The following NKTR variants were observed in gnomAD, a reference collection of about 807,000 sequenced individuals.
NKTR encodes the protein NK-tumor recognition protein.
A neutral mutation model predicts 156.3 loss-of-function variants in NKTR; 67 were observed. The observed-to-expected ratio is 0.43, with a 90% CI of 0.35 to 0.53. The LOEUF (loss-of-function observed/expected upper bound fraction) is 0.53. NKTR is among the 20% of genes least tolerant of loss of function. The pLI, the probability that NKTR is intolerant of heterozygous loss-of-function variation, is 0.01. For missense variants in NKTR, 1,604 were observed against 1,730.9 expected (o/e 0.93, Z 1.30); for synonymous variants, 640 against 596.6 (o/e 1.07, Z -1.06).
In NKTR at chr3:42,638,374, T is replaced by C. The variant is rs374827006; in HGVS notation, c.2670T>C (p.Asn890=). Residue 890 remains asparagine, a synonymous_variant, in exon 13 of 17, where the codon AAT becomes AAC. Transcript: ENST00000232978. ...GTAGTAAATGGGACTCTGAGTCAAA[T>C]TCAGAACGAGATGTCACTAAAAACA... is the stretch of plus-strand genomic sequence containing the variant. ...YAGSKWDSES[N]SERDVTKNSK... is the part of the protein sequence containing the mutation. 1.9e-6 allele frequency: 3 copies of C among 1,613,768 alleles called. No individual in the cohort carries two copies. The highest frequency in any genetic ancestry group is 1.1e-5 in the South Asian group (1 of 90,996).
chr3:42,618,726 G>A (rs1707634371), intron 3 of NKTR, among the ~76,000 whole-genome samples: 1 of 152,196 alleles, frequency 6.6e-6, no homozygotes, highest in Non-Finnish European at 1.5e-5. Flanking sequence ...TTACAGGCGT[G>A]TGCCATTGCG....
chr3:42,626,364 A>G (rs912582083), intron 6 of NKTR, among the ~76,000 whole-genome samples: 1 of 152,094 alleles, frequency 6.6e-6, no homozygotes, highest in African/African-American at 2.4e-5. Context: ...GTAGTAATAG[A>G]TTTATTTGTT....
Position 42,639,420 on chromosome 3 carries a change from A to G in NKTR, c.3716A>G (p.Asn1239Ser). The G allele has an allele frequency of 1.9e-6, 3 of 1,613,282 alleles. No individual in the cohort carries two copies. The highest frequency in any genetic ancestry group is 1.1e-5 in the South Asian group (1 of 91,054). ...GGTGTGGGGAACCTGGCAGCACCTA[A>G]TGCTGCCACATCCAGTGCTGTGGAA... ...LQGVGNLAAP[N>S]AATSSAVEVK... Residue 1239 changes from asparagine (N) to serine (S), a missense_variant, in exon 13 of 17, where the codon AAT (asparagine) becomes AGT (serine). Asn to Ser is a conservative substitution (Grantham distance 46). Around this residue, in one of 6 missense-constraint regions of NKTR, gnomAD observed 1,255 missense variants for 1,243.7 expected, o/e 1.01. Coordinates refer to ENST00000232978, the MANE Select transcript of NKTR (RefSeq NM_005385.4).
chr3:42,616,494 T>G (rs1707381003), intron 2 of NKTR, among the ~76,000 whole-genome samples: 1 of 152,226 alleles, frequency 6.6e-6, no homozygotes, highest in South Asian at 2.1e-4. Flanking sequence ...CCCTGACACC[T>G]AATGGAATGT....
At chr3:42,625,175 T>TA (rs1467226347) in intron 6 of NKTR, among the ~76,000 whole-genome samples, 1 of 152,138 alleles carries the variant, frequency 6.6e-6, no homozygotes, top group Non-Finnish European at 1.5e-5. Flanking sequence ...AAAAATGTCT[T>TA]AAAGAAGTAT....
At chr3:42,643,095 C>T (rs1710034890) in intron 14 of NKTR, among the ~76,000 whole-genome samples, 1 of 152,306 alleles carries the variant, frequency 6.6e-6, no homozygotes, top group South Asian at 2.1e-4. Context: ...CCTAACTCCA[C>T]CCAGTTTAGA....
rs748343325 is a variant in NKTR at position 42,600,999 on chromosome 3, C to T, written c.-8C>T. On this transcript the variant is annotated 5_prime_UTR_variant, in exon 2 of 17. Coordinates refer to ENST00000232978, the MANE Select transcript of NKTR (RefSeq NM_005385.4). The stretch of plus-strand genomic sequence containing the variant: ...TCTCTCCCAGCTCTTGCCGCCACCT[C>T]GGTCGCGATGGGGGCGCAGGACCGG... 8.3e-6 allele frequency: 13 copies of T among 1,562,262 alleles called. No homozygotes were observed. Among genetic ancestry groups the T allele is most frequent in the Non-Finnish European group, 1.0e-5 (12 of 1,156,694 alleles).
In NKTR at chr3:42,618,309, C is replaced by T. The variant is rs188218974; in HGVS notation, c.133+665C>T. 6.6e-4 allele frequency among the ~76,000 whole-genome samples: 99 copies of T among 150,322 alleles called. 1 individual carries two copies. The highest frequency in any genetic ancestry group is 9.9e-4 in the Non-Finnish European group (67 of 67,760). On this transcript the variant is annotated intron_variant, in intron 3 of 16. Coordinates refer to ENST00000232978, the MANE Select transcript of NKTR (RefSeq NM_005385.4). ...GAGCTTGCAATGAGCCAAGATTGCG[C>T]CATTGCACTCCAGCCTGGGGGACAA...
At chr3:42,627,413 G>T in intron 6 of NKTR, 2 of 985,050 alleles carry the variant, frequency 2.0e-6, no homozygotes, top group South Asian at 9.4e-5. Context: ...TTTAACTTCA[G>T]TGGCTTGTTT....
intron 2 of NKTR, among the ~76,000 whole-genome samples, chr3:42,610,223 C>G (rs948913315): frequency 6.6e-6 from 1 of 152,054 alleles, no homozygotes; most frequent in Admixed American, 6.5e-5. Context: ...AGGCTGGTCT[C>G]GAACTCCCGA....
chr3:42,628,601 C>T lies in NKTR; in HGVS notation c.375-1945C>T, dbSNP rs183947008. ...CAGGATCTGTGAGTCATGGGAGGAA[C>T]GGATCAAAGAAGGAGAAGGAATGTA... On this transcript the variant is annotated intron_variant, in intron 6 of 16. Coordinates refer to ENST00000232978, the MANE Select transcript of NKTR (RefSeq NM_005385.4). The T allele has an allele frequency of 2.2e-5, 22 of 985,244 alleles. No homozygotes were observed. The East Asian group carries it at 6.8e-4, about 30-fold the overall frequency. The allele number at this position is 985,244 out of a possible 1,614,324, so 61.0% of individuals were successfully genotyped here. A position where few individuals can be genotyped will look rare whatever the true frequency, so the allele number is the denominator to read the frequency against.
intron 10 of NKTR, 84 bp from the exon 11 acceptor site, chr3:42,634,529 T>A: frequency 1.5e-6 from 1 of 685,768 alleles, no homozygotes; most frequent in Admixed American, 3.3e-5. Context: ...TTTGAATTAA[T>A]AGCTTAACAT....
chr3:42,638,727 C>T lies in NKTR; in HGVS notation c.3023C>T (p.Pro1008Leu), dbSNP rs1709636541. The T allele has an allele frequency of 3.7e-6, 6 of 1,613,786 alleles. No individual in the cohort carries two copies. The highest frequency in any genetic ancestry group is 5.1e-6 in the Non-Finnish European group (6 of 1,180,016). The change falls in exon 13 of 17, where the codon CCA (proline) becomes CTA (leucine). Residue 1008 changes from proline to leucine, a missense_variant. Physicochemically the swap from Pro to Leu is moderately conservative, Grantham distance 98 (BLOSUM62 -3). This residue lies in a region of NKTR where 1,255 missense variants were observed against 1,243.7 expected (regional missense o/e 1.01). Transcript: ENST00000232978. The stretch of plus-strand genomic sequence containing the variant: ...AAAAAAGACAAAAAGCATAAGGCTC[C>T]AAAACGAAAGCAAGCATTTCACTGG... Reference protein sequence around the residue: ...KGKKDKKHKAPKRKQAFHWQP... With the variant: ...KGKKDKKHKALKRKQAFHWQP...
intron 6 of NKTR, chr3:42,627,547 G>A (rs1350673298): frequency 2.0e-6 from 2 of 984,450 alleles, no homozygotes; most frequent in East Asian, 1.1e-4. Flanking sequence ...CTCTGATAAT[G>A]GTATAAAACT....
Position 42,637,255 on chromosome 3 carries a change from C to T in NKTR, c.1551C>T (p.Asp517=), listed in dbSNP as rs376230277. Residue 517 remains aspartate (D), a synonymous_variant, in exon 13 of 17, where the codon GAC becomes GAT. Coordinates refer to ENST00000232978, the MANE Select transcript of NKTR (RefSeq NM_005385.4). ...GCTCTTTAACCCATTCCAGCAGAGA[C>T]TCATACAGATCAAAATCTCACTCAC... ...VQSSLTHSSR[D]SYRSKSHSQS... The T allele has an allele frequency of 6.2e-7, 1 of 1,613,476 alleles. No individual in the cohort carries two copies. The highest frequency in any genetic ancestry group is 8.5e-7 in the Non-Finnish European group (1 of 1,179,836).
chr3:42,625,666 A>G (rs1237414702), intron 6 of NKTR, among the ~76,000 whole-genome samples: 2 of 152,148 alleles, frequency 1.3e-5, no homozygotes, highest in Non-Finnish European at 2.9e-5. Context: ...AAGAAATGCT[A>G]GTAAGTGTTA....
chr3:42,633,405 CTT>C, intron 9 of NKTR, 173 bp from the exon 10 acceptor site: 1 of 1,369,138 alleles, frequency 7.3e-7, no homozygotes, highest in Non-Finnish European at 9.4e-7. Context: ...AAATTCTAGT[CTT>C]TGGGTTTTTC....
At chr3:42,621,613 C>G (rs563073453) in intron 6 of NKTR, 97 bp downstream of exon 6, 2 of 1,248,238 alleles carry the variant, frequency 1.6e-6, no homozygotes, top group Non-Finnish European at 2.2e-6. Context: ...TGCTAAAATT[C>G]TGTCAGCTTT....
chr3:42,600,912 C>A, intron 1 of NKTR, 72 bp from the exon 2 acceptor site: 1 of 967,846 alleles, frequency 1.0e-6, no homozygotes, highest in Non-Finnish European at 1.4e-6. Flanking sequence ...TTCGTCTCAG[C>A]CCCGCCCTCG....
Sources: allele counts gnomAD v4.1 joint callset (sites outside exome capture counted in the v4.1 genomes callset), GRCh38; gene constraint gnomAD v4.1.1; regional missense constraint gnomAD v4.1.1; transcripts MANE v1.5; gene names NCBI Gene and HGNC (gene_info 2026-07-23, HGNC 2026-07-21).